Variants in ADCY8 observed in about 807,000 individuals in gnomAD.
ADCY8 encodes adenylate cyclase type 8.
A neutral mutation model predicts 119.7 loss-of-function variants in ADCY8; 51 were observed. The ratio of observed to expected loss-of-function variants is 0.43; its 90% CI spans 0.34 to 0.54. The LOEUF (loss-of-function observed/expected upper bound fraction) is 0.54, where lower values mean the gene tolerates loss of function less well. Among genes scored for constraint, ADCY8 ranks in the 20% least tolerant of loss-of-function variants. The probability of loss-of-function intolerance (pLI) is 0.03; values close to 1 mark genes in which losing one functional copy is unlikely to be tolerated. For missense variants in ADCY8, 1,383 were observed against 1,598.8 expected (o/e 0.87, Z 2.30); for synonymous variants, 665 against 651.0 (o/e 1.02, Z -0.33).
chr8:130,881,339 A>G (rs1432406317), intron 8 of ADCY8, among the ~76,000 whole-genome samples: 2 of 152,186 alleles, frequency 1.3e-5, no homozygotes, highest in Admixed American at 6.6e-5. Context: ...GGCAAACGTG[A>G]CCAGGGAATG....
intron 2 of ADCY8, among the ~76,000 whole-genome samples, chr8:130,980,547 C>A (rs961152005): frequency 6.6e-6 from 1 of 152,168 alleles, no homozygotes; most frequent in Admixed American, 6.5e-5. Flanking sequence ...ATAATTATTA[C>A]TGCATGTCAG....
chr8:130,972,886 G>GTT (rs147295295), intron 2 of ADCY8, among the ~76,000 whole-genome samples: 9 of 149,174 alleles, frequency 6.0e-5, no homozygotes, highest in African/African-American at 2.0e-4. Context: ...ATAAGCATCA[G>GTT]TTTTTTTTTT....
intron 3 of ADCY8, among the ~76,000 whole-genome samples, chr8:130,951,305 A>G (rs1821262499): frequency 6.6e-6 from 1 of 152,192 alleles, no homozygotes; most frequent in East Asian, 1.9e-4. Context: ...TTTGATTTTC[A>G]GTACATGCCA....
intron 2 of ADCY8, among the ~76,000 whole-genome samples, chr8:130,955,756 G>C (rs1257489586): frequency 6.6e-6 from 1 of 152,170 alleles, no homozygotes; most frequent in Non-Finnish European, 1.5e-5. Context: ...GTGGAACTCA[G>C]CTACTTTTCA....
In ADCY8 at chr8:131,006,884, C is replaced by G. The variant is rs556878041; in HGVS notation, c.961-16342G>C. Among the ~76,000 whole-genome samples, 3 of 152,270 alleles carry G rather than the reference C, an allele frequency of 2.0e-5. No homozygotes were observed. The East Asian group carries it at 5.8e-4, about 29-fold the overall frequency. On this transcript the variant is annotated intron_variant, in intron 1 of 17. Coordinates refer to ENST00000286355, the MANE Select transcript of ADCY8 (RefSeq NM_001115.3). ...TTTCCATGGAGGCTTTGTTCTCAAACAGAGGATTTCAGTTTCTTGATGATA... is the reference window on the plus strand; with the variant it reads ...TTTCCATGGAGGCTTTGTTCTCAAAGAGAGGATTTCAGTTTCTTGATGATA...
intron 7 of ADCY8, among the ~76,000 whole-genome samples, chr8:130,896,710 AT>A (rs888456512): frequency 7.3e-5 from 11 of 151,618 alleles, no homozygotes; most frequent in African/African-American, 2.7e-4. Flanking sequence ...ATACTTTTTA[AT>A]TTTTTTTTCT....
chr8:130,814,953 T>A (rs547315526), intron 13 of ADCY8, among the ~76,000 whole-genome samples: 1 of 152,314 alleles, frequency 6.6e-6, no homozygotes, highest in South Asian at 2.1e-4. Context: ...TGTGTCCCTC[T>A]CAAATTCATA....
chr8:130,836,128 T>C, intron 12 of ADCY8, 149 bp downstream of exon 12: 1 of 886,814 alleles, frequency 1.1e-6, no homozygotes, highest in Non-Finnish European at 1.7e-6. Flanking sequence ...TTGCTTGGAC[T>C]TGTAAACTAC....
chr8:130,812,351 T>C (rs1378573724), intron 14 of ADCY8, among the ~76,000 whole-genome samples: 1 of 152,190 alleles, frequency 6.6e-6, no homozygotes, highest in African/African-American at 2.4e-5. Context: ...GTCCGAATAG[T>C]GCCTAGTGCC....
intron 15 of ADCY8, among the ~76,000 whole-genome samples, chr8:130,797,311 T>A (rs114405066): frequency 0.01 from 1,524 of 152,304 alleles, 27 homozygotes; most frequent in African/African-American, 0.035. Context: ...TCTTCTTTCA[T>A]TGTAGCCCAA....
At chr8:130,812,469 G>A (rs1378431486) in intron 14 of ADCY8, among the ~76,000 whole-genome samples, 1 of 152,210 alleles carries the variant, frequency 6.6e-6, no homozygotes, top group East Asian at 1.9e-4. Flanking sequence ...CTCAATTAGG[G>A]TGAGCCCTAA....
At chr8:130,883,439 T>C (rs759008756) in intron 8 of ADCY8, among the ~76,000 whole-genome samples, 1 of 152,176 alleles carries the variant, frequency 6.6e-6, no homozygotes, top group Non-Finnish European at 1.5e-5. Context: ...ACACAATCCA[T>C]CTCAAATTGG....
intron 14 of ADCY8, among the ~76,000 whole-genome samples, chr8:130,813,239 G>T (rs911060512): frequency 6.6e-6 from 1 of 152,144 alleles, no homozygotes; most frequent in African/African-American, 2.4e-5. Context: ...GAGCCACTGC[G>T]CCCGGCCATC....
At chr8:130,809,492 C>T (rs1321796678) in intron 14 of ADCY8, among the ~76,000 whole-genome samples, 4 of 152,194 alleles carry the variant, frequency 2.6e-5, no homozygotes, top group African/African-American at 9.6e-5. Context: ...CAGTCCTTCT[C>T]AGCAAATATC....
Position 130,812,419 on chromosome 8 carries a change from G to T in ADCY8, c.2913+1650C>A, listed in dbSNP as rs147784640. Among the ~76,000 whole-genome samples the T allele has an allele frequency of 1.6e-3, 248 of 152,326 alleles. 2 individuals carry two copies. The highest frequency in any genetic ancestry group is 5.6e-3 in the African/African-American group (232 of 41,556). The stretch of plus-strand genomic sequence containing the variant: ...GTCATGTCCAACATGGTACTATTTG[G>T]AAATAGGGTCTTTGCAGGTGTAATT... On this transcript the variant is annotated intron_variant, in intron 14 of 17. Coordinates refer to ENST00000286355, the MANE Select transcript of ADCY8 (RefSeq NM_001115.3).
chr8:130,963,132 T>C (rs1349037508), intron 2 of ADCY8, among the ~76,000 whole-genome samples: 2 of 149,134 alleles, frequency 1.3e-5, no homozygotes, highest in Non-Finnish European at 3.0e-5. Flanking sequence ...TTTTTTTTTC[T>C]GAAACTTGGA....
intron 1 of ADCY8, among the ~76,000 whole-genome samples, chr8:131,035,037 TC>T: frequency 6.6e-6 from 1 of 152,318 alleles, no homozygotes; most frequent in East Asian, 1.9e-4. Flanking sequence ...TATAATCTTA[TC>T]ATCAATCCTT....
At chr8:130,835,747 A>G (rs1816966545) in intron 12 of ADCY8, among the ~76,000 whole-genome samples, 1 of 152,146 alleles carries the variant, frequency 6.6e-6, no homozygotes, top group Non-Finnish European at 1.5e-5. Flanking sequence ...TCATCCTTAG[A>G]TTACTTATAA....
At chr8:130,791,369 T>C (rs1034356461) in intron 15 of ADCY8, among the ~76,000 whole-genome samples, 2 of 152,140 alleles carry the variant, frequency 1.3e-5, no homozygotes, top group African/African-American at 2.4e-5. Flanking sequence ...AAGGCACATA[T>C]GTGCACACAG....
Sources: allele counts gnomAD v4.1 joint callset (sites outside exome capture counted in the v4.1 genomes callset), GRCh38; gene constraint gnomAD v4.1.1; transcripts MANE v1.5; gene names NCBI Gene and HGNC (gene_info 2026-07-23, HGNC 2026-07-21).